Variants in CUX2 observed in about 807,000 individuals in gnomAD.
CUX2 encodes homeobox protein cut-like 2.
Under a neutral mutation model 144.8 loss-of-function variants are expected in CUX2, and 40 were observed. The observed-to-expected ratio is 0.28, with a 90% CI of 0.21 to 0.36. CUX2 has a LOEUF of 0.36. CUX2 is among the 10% of genes least tolerant of loss of function. The pLI is 1.00. For missense variants in CUX2, 1,615 were observed against 1,994.0 expected (o/e 0.81, Z 3.62); for synonymous variants, 827 against 875.6 (o/e 0.94, Z 0.98).
At chr12:111,087,870 T>C (rs968110365) in intron 1 of CUX2, among the ~76,000 whole-genome samples, 2 of 152,194 alleles carry the variant, frequency 1.3e-5, no homozygotes, top group African/African-American at 4.8e-5. Flanking sequence ...AGAAGCTTTA[T>C]TCATGAGTAG....
intron 18 of CUX2, among the ~76,000 whole-genome samples, chr12:111,325,322 A>G (rs1887723839): frequency 6.6e-6 from 1 of 151,994 alleles, no homozygotes; most frequent in East Asian, 1.9e-4. Flanking sequence ...CAGCCATGCT[A>G]ATGCTAATGA....
At chr12:111,286,842 C>T (rs1885411522) in intron 4 of CUX2, among the ~76,000 whole-genome samples, 1 of 152,156 alleles carries the variant, frequency 6.6e-6, no homozygotes, top group African/African-American at 2.4e-5. Context: ...GCACTCCAGC[C>T]TGGGCAACAG....
intron 1 of CUX2, among the ~76,000 whole-genome samples, chr12:111,189,397 G>A (rs1455422884): frequency 1.3e-5 from 2 of 152,216 alleles, no homozygotes; most frequent in African/African-American, 4.8e-5. Flanking sequence ...GAACTACACA[G>A]GCTTGATTTG....
At chr12:111,271,561 C>T (rs1021845141) in intron 4 of CUX2, among the ~76,000 whole-genome samples, 5 of 152,164 alleles carry the variant, frequency 3.3e-5, no homozygotes, top group African/African-American at 7.2e-5. Context: ...GGGAACACAT[C>T]CCCTATTGGT....
intron 16 of CUX2, among the ~76,000 whole-genome samples, chr12:111,318,434 C>T (rs2136393748): frequency 6.6e-6 from 1 of 150,810 alleles, no homozygotes; most frequent in Non-Finnish European, 1.5e-5. Flanking sequence ...AGGATTCACA[C>T]AAAGGGCACG....
intron 3 of CUX2, among the ~76,000 whole-genome samples, chr12:111,256,958 G>T (rs1388206756): frequency 6.6e-6 from 1 of 152,120 alleles, no homozygotes; most frequent in African/African-American, 2.4e-5. Context: ...AGGGGAGGGG[G>T]CCCAAATTTT....
intron 18 of CUX2, among the ~76,000 whole-genome samples, chr12:111,330,725 A>G (rs1286635556): frequency 1.2e-4 from 7 of 58,706 alleles, no homozygotes; most frequent in African/African-American, 5.2e-4. Context: ...ATATATATAT[A>G]TATATATATA....
intron 1 of CUX2, among the ~76,000 whole-genome samples, chr12:111,121,462 C>T (rs764347228): frequency 2.0e-5 from 3 of 147,080 alleles, no homozygotes; most frequent in South Asian, 2.1e-4. Context: ...CTGCAACCTC[C>T]GCCTCATGGG....
At chr12:111,266,473 C>CA (rs57419229) in intron 4 of CUX2, among the ~76,000 whole-genome samples, 344 of 93,374 alleles carry the variant, frequency 3.7e-3, no homozygotes, top group Middle Eastern at 0.014. Context: ...CCTGTCTCAA[C>CA]AAAAAAAAAA....
At chr12:111,100,058 G>T (rs1469878860) in intron 1 of CUX2, 1 of 456,854 alleles carries the variant, frequency 2.2e-6, no homozygotes, top group Admixed American at 2.3e-5. Context: ...GAGCGGGGCT[G>T]TGTCTGGACA....
rs927654030 is a variant in CUX2, at chr12:111,037,708, T to A, written c.63+3468T>A. Among the ~76,000 whole-genome samples the A allele has an allele frequency of 6.6e-6, 1 of 152,262 alleles. No homozygotes were observed. Among genetic ancestry groups the A allele is most frequent in the African/African-American group, 2.4e-5 (1 of 41,468 alleles). On this transcript the variant is annotated intron_variant, in intron 1 of 21. Coordinates refer to ENST00000261726, the MANE Select transcript of CUX2 (RefSeq NM_015267.4). This position sits in a 1 kb window ranked among gnomAD's most constrained non-coding sequence, Gnocchi z 5.4. Reference sequence around the variant, plus strand: ...GAACATTACTAATGCAGTATTTTTTTATGGCTTTTCTGTGTATAATCGTCG... The same window carrying A: ...GAACATTACTAATGCAGTATTTTTTAATGGCTTTTCTGTGTATAATCGTCG...
At chr12:111,347,210 A>C (rs1888843039) in intron 21 of CUX2, among the ~76,000 whole-genome samples, 2 of 152,154 alleles carry the variant, frequency 1.3e-5, no homozygotes, top group Non-Finnish European at 2.9e-5. Context: ...TGTGTTGGCC[A>C]GCACAGGTCT....
chr12:111,076,720 C>G (rs1871555572), intron 1 of CUX2, among the ~76,000 whole-genome samples: 1 of 152,234 alleles, frequency 6.6e-6, no homozygotes, highest in Non-Finnish European at 1.5e-5. Flanking sequence ...TTTCCCCTCC[C>G]AAGTCCTCCT....
At chr12:111,111,610 G>T (rs1272164663) in intron 1 of CUX2, among the ~76,000 whole-genome samples, 2 of 152,118 alleles carry the variant, frequency 1.3e-5, no homozygotes, top group Non-Finnish European at 2.9e-5. Context: ...GCATGCATAA[G>T]AATCTCCTAG....
intron 1 of CUX2, among the ~76,000 whole-genome samples, chr12:111,063,515 C>T (rs535104710): frequency 3.3e-5 from 5 of 152,230 alleles, no homozygotes; most frequent in African/African-American, 1.2e-4. Flanking sequence ...GCGGCACCAT[C>T]GCCTCCCACA....
Position 111,343,800 on chromosome 12 carries a change from C to T in CUX2, c.3659+1747C>T, listed in dbSNP as rs954143002. Among the ~76,000 whole-genome samples the T allele has an allele frequency of 5.3e-5, 8 of 152,322 alleles. No individual in the cohort carries two copies. In the South Asian group the frequency reaches 1.7e-3, roughly 32 times the overall value. On this transcript the variant is annotated intron_variant, in intron 21 of 21. Coordinates refer to ENST00000261726, the MANE Select transcript of CUX2 (RefSeq NM_015267.4). Reference sequence around the variant, plus strand: ...TTTTGACCGGGCGCAGTGGCTCACACCTGTAATCGCAGCACTTTGGGAGGC... The same window carrying T: ...TTTTGACCGGGCGCAGTGGCTCACATCTGTAATCGCAGCACTTTGGGAGGC...
rs573092871 is a variant in CUX2 at position 111,312,171 on chromosome 12, G to A, written c.1972G>A (p.Ala658Thr). 8 of 1,611,116 alleles carry A rather than the reference G, an allele frequency of 5.0e-6. No homozygotes were observed. Among genetic ancestry groups the A allele is most frequent in the South Asian group, 1.1e-5 (1 of 90,774 alleles). ...DDAIKSILEQ[A>T]KKEIESQKGG... ...CGCCATCAAGAGCATTCTAGAGCAG[G>A]CCAAGAAGGAGATCGAGTCGCAGAA... The change falls in exon 16 of 22, where the codon GCC (alanine) becomes ACC (threonine). Residue 658 changes from alanine (A) to threonine (T), a missense_variant. Physicochemically the swap from Ala to Thr is moderately conservative, Grantham distance 58. Coordinates refer to ENST00000261726, the MANE Select transcript of CUX2 (RefSeq NM_015267.4). This position sits in a 1 kb window ranked among gnomAD's most constrained non-coding sequence, Gnocchi z 4.3.
At chr12:111,121,468 A>C (rs569049022) in intron 1 of CUX2, among the ~76,000 whole-genome samples, 1 of 127,588 alleles carries the variant, frequency 7.8e-6, no homozygotes, top group Non-Finnish European at 1.5e-5. Flanking sequence ...CCTCCGCCTC[A>C]TGGGTTCATG....
Position 111,146,738 on chromosome 12 carries a change from G to A in CUX2, c.64-67462G>A, listed in dbSNP as rs376914085. Among the ~76,000 whole-genome samples the A allele has an allele frequency of 4.6e-5, 7 of 152,254 alleles. 1 individual carries two copies. The highest frequency in any genetic ancestry group is 2.1e-4 in the South Asian group (1 of 4,824). ...AGTTTTGGTCCCAGAGTCAGACCCC[G>A]TAGGTTTAAATCTCAGCTTCCCCAC... On this transcript the variant is annotated intron_variant, in intron 1 of 21. Coordinates refer to ENST00000261726, the MANE Select transcript of CUX2 (RefSeq NM_015267.4).
Sources: gnomAD v4.1 joint callset for allele counts (sites outside exome capture counted in the v4.1 genomes callset) on GRCh38, gnomAD v4.1.1 for gene constraint, Gnocchi (gnomAD v3.1) non-coding constraint, MANE v1.5 for transcripts, NCBI Gene and HGNC (gene_info 2026-07-23, HGNC 2026-07-21) for gene names.